Variants in RNF144A observed in about 807,000 individuals in gnomAD.
RNF144A encodes the protein ring finger protein 144A.
A neutral mutation model predicts 38.7 loss-of-function variants in RNF144A; 11 were observed. The ratio of observed to expected loss-of-function variants is 0.28; its 90% CI spans 0.18 to 0.47. RNF144A has a LOEUF of 0.47. RNF144A is among the 20% of genes least tolerant of loss of function. RNF144A has a pLI of 0.99. For missense variants in RNF144A, 316 were observed against 377.2 expected, an observed-to-expected ratio of 0.84 and a Z score of 1.34; for synonymous variants, 149 against 143.9, an observed-to-expected ratio of 1.04 and a Z score of -0.25.
downstream of RNF144A, among the ~76,000 whole-genome samples, chr2:7,070,615 G>A (rs1674435984): frequency 6.6e-6 from 1 of 152,168 alleles, no homozygotes; most frequent in Admixed American, 6.5e-5. Context: ...TACTGGATTA[G>A]AAAGGCCATT....
At chr2:7,037,528 T>G (rs1260084583) in intron 8 of RNF144A, among the ~76,000 whole-genome samples, 2 of 152,266 alleles carry the variant, frequency 1.3e-5, no homozygotes, top group East Asian at 3.8e-4. Context: ...GAATTCACAC[T>G]GGGTAGTTCC....
rs565573168 is a variant in RNF144A at position 6,929,414 on chromosome 2, G to A, written c.-211-11534G>A. 7.1e-4 allele frequency among the ~76,000 whole-genome samples: 108 copies of A among 152,322 alleles called. 2 individuals carry two copies. The South Asian group carries it at 0.022, about 30-fold the overall frequency. On this transcript the variant is annotated intron_variant, in intron 1 of 8. Coordinates refer to ENST00000320892, the MANE Select transcript of RNF144A (RefSeq NM_014746.6). Reference sequence around the variant, plus strand: ...TGAGCTGGGCTCCTGGAGCTAAGCCGTGGGTGTTACTCATTTTGAATTTCC... The same window carrying A: ...TGAGCTGGGCTCCTGGAGCTAAGCCATGGGTGTTACTCATTTTGAATTTCC...
In RNF144A at chr2:6,944,692, G is replaced by A. The variant is rs1666222143; in HGVS notation, c.-12+3545G>A. ...CCTCAGGTGTGAGGGAGACATTAAA[G>A]AACCCTGGAGAAAACACATCACGAG... On this transcript the variant is annotated intron_variant, in intron 2 of 8. Transcript: ENST00000320892. The surrounding 1 kb of genome is among the most constrained non-coding windows in gnomAD (Gnocchi z 4.7). Among the ~76,000 whole-genome samples, 1 of 152,068 alleles carries A rather than the reference G, an allele frequency of 6.6e-6. No individual in the cohort carries two copies. The highest frequency in any genetic ancestry group is 6.6e-5 in the Admixed American group (1 of 15,260).
chr2:7,067,119 C>T (rs1674266178), intron 6 of RNF144A, among the ~76,000 whole-genome samples: 1 of 152,172 alleles, frequency 6.6e-6, no homozygotes, highest in Non-Finnish European at 1.5e-5. Flanking sequence ...CAGAAGAAAA[C>T]TATAGCACAC....
chr2:6,993,411 G>A (rs1385066582), intron 2 of RNF144A, among the ~76,000 whole-genome samples: 2 of 152,148 alleles, frequency 1.3e-5, no homozygotes, highest in Non-Finnish European at 2.9e-5. Context: ...AACCCTGTAC[G>A]CTGTGCCAGG....
intron 1 of RNF144A, among the ~76,000 whole-genome samples, chr2:6,940,050 T>G (rs1245469165): frequency 6.6e-6 from 1 of 152,212 alleles, no homozygotes; most frequent in Non-Finnish European, 1.5e-5. Context: ...CTTGGATTTC[T>G]GTGTGAATTT....
At chr2:6,990,543 A>G (rs1669287366) in intron 2 of RNF144A, among the ~76,000 whole-genome samples, 1 of 135,578 alleles carries the variant, frequency 7.4e-6, no homozygotes, top group Admixed American at 8.0e-5. Context: ...CTATGTATAT[A>G]TATAGAGAGA....
chr2:6,992,172 A>G (rs1289567429), intron 2 of RNF144A, among the ~76,000 whole-genome samples: 6 of 152,210 alleles, frequency 3.9e-5, no homozygotes, highest in African/African-American at 1.4e-4. Context: ...AATGCTGTTG[A>G]GTGGAATGAT....
At chr2:6,990,267 C>G (rs935496074) in intron 2 of RNF144A, among the ~76,000 whole-genome samples, 3 of 151,954 alleles carry the variant, frequency 2.0e-5, no homozygotes, top group Non-Finnish European at 4.4e-5. Context: ...CAAGAAAGAG[C>G]ATGGGAGCTC....
intron 6 of RNF144A, among the ~76,000 whole-genome samples, chr2:7,021,352 C>T (rs972785732): frequency 2.6e-5 from 4 of 152,148 alleles, no homozygotes; most frequent in African/African-American, 9.7e-5. Context: ...ACCACCCTCC[C>T]CAGGGTGTGC....
intron 5 of RNF144A, among the ~76,000 whole-genome samples, chr2:7,016,259 A>T (rs1275382526): frequency 6.6e-6 from 1 of 152,182 alleles, no homozygotes; most frequent in African/African-American, 2.4e-5. Flanking sequence ...TTATAGCTTT[A>T]ATATAATGCC....
chr2:6,990,562 TACACACACAA>T (rs1385749521), intron 2 of RNF144A, among the ~76,000 whole-genome samples: 443 of 34,828 alleles, frequency 0.013, 6 homozygotes, highest in Middle Eastern at 0.043. Context: ...GAGAGATTGC[TACACACACAA>T]ACACACACAC....
intron 2 of RNF144A, among the ~76,000 whole-genome samples, chr2:6,959,917 A>G (rs1426589251): frequency 6.6e-6 from 1 of 152,194 alleles, no homozygotes. Flanking sequence ...GGACTTGTCT[A>G]CTACCAAATA....
intron 5 of RNF144A, among the ~76,000 whole-genome samples, chr2:7,016,025 G>A (rs1358545078): frequency 6.6e-6 from 1 of 151,168 alleles, no homozygotes; most frequent in Non-Finnish European, 1.5e-5. Flanking sequence ...GAGATAGCTG[G>A]GCCCAGTGGC....
chr2:6,930,641 G>A (rs954441995), intron 1 of RNF144A, among the ~76,000 whole-genome samples: 6 of 152,020 alleles, frequency 3.9e-5, no homozygotes, highest in African/African-American at 1.5e-4. Flanking sequence ...ACTCAGGCTG[G>A]AGTGCAGTGG....
intron 2 of RNF144A, among the ~76,000 whole-genome samples, chr2:6,984,644 T>TG (rs1668842361): frequency 6.6e-6 from 1 of 152,250 alleles, no homozygotes; most frequent in South Asian, 2.1e-4. Context: ...TGCCTTTTGT[T>TG]GTAGCATGTG....
chr2:7,066,237 A>G (rs1485653347), intron 6 of RNF144A, among the ~76,000 whole-genome samples: 1 of 151,838 alleles, frequency 6.6e-6, no homozygotes, highest in South Asian at 2.1e-4. Flanking sequence ...ACAGGCGCCC[A>G]CTATCACGCC....
At chr2:7,033,105 G>A (rs1672434582) in intron 8 of RNF144A, among the ~76,000 whole-genome samples, 1 of 152,258 alleles carries the variant, frequency 6.6e-6, no homozygotes, top group Non-Finnish European at 1.5e-5. Context: ...TTCCAGGTGA[G>A]AGCAGGTGCT....
At chr2:7,045,668 T>C (rs905940957), downstream of RNF144A, among the ~76,000 whole-genome samples, 1 of 152,218 alleles carries the variant, frequency 6.6e-6, no homozygotes, top group Non-Finnish European at 1.5e-5. Context: ...TCACAGGTTC[T>C]GGGGGTTAGG....
Sources: gnomAD v4.1 joint callset for allele counts (sites outside exome capture counted in the v4.1 genomes callset) on GRCh38, gnomAD v4.1.1 for gene constraint, Gnocchi (gnomAD v3.1) non-coding constraint, MANE v1.5 for transcripts, NCBI Gene and HGNC (gene_info 2026-07-23, HGNC 2026-07-21) for gene names.